The following SYT2 variants were observed in gnomAD, a reference collection of about 807,000 sequenced individuals.
SYT2 encodes the protein synaptotagmin-2.
A neutral mutation model predicts 39.9 loss-of-function variants in SYT2; 15 were observed. That is an observed-to-expected ratio of 0.38 (90% CI 0.25 to 0.58). SYT2 has a LOEUF of 0.58. Ranked by LOEUF, SYT2 falls within the 20% of genes least tolerant of loss-of-function variation. SYT2 has a pLI of 0.70. For missense variants in SYT2, 389 were observed against 530.3 expected (o/e 0.73, Z 2.62); for synonymous variants, 181 against 204.5 (o/e 0.89, Z 0.98).
chr1:202,639,554 G>A, intron 1 of SYT2: 1 of 985,456 alleles, frequency 1.0e-6, no homozygotes, highest in Non-Finnish European at 1.2e-6. Context: ...GGAAGGCGGT[G>A]TTCCCCGCTC....
chr1:202,666,152 CA>C (rs56942389), intron 1 of SYT2, among the ~76,000 whole-genome samples: 1,107 of 102,768 alleles, frequency 0.011, 12 homozygotes, highest in South Asian at 0.039. Flanking sequence ...GACTCCGTCT[CA>C]AAAAAAAAAA....
At chr1:202,675,241 T>C (rs971785581) in intron 1 of SYT2, among the ~76,000 whole-genome samples, 2 of 152,238 alleles carry the variant, frequency 1.3e-5, no homozygotes, top group Non-Finnish European at 2.9e-5. Context: ...ACCATATATT[T>C]AACGTGCAGT....
chr1:202,672,865 C>T (rs977679346), intron 1 of SYT2, among the ~76,000 whole-genome samples: 2 of 147,350 alleles, frequency 1.4e-5, no homozygotes, highest in Non-Finnish European at 3.0e-5. Flanking sequence ...TCCACAGATT[C>T]AAGAAACCCA....
At chr1:202,629,053 G>C (rs1402125053) in intron 1 of SYT2, among the ~76,000 whole-genome samples, 1 of 152,240 alleles carries the variant, frequency 6.6e-6, no homozygotes, top group Non-Finnish European at 1.5e-5. Context: ...GGCTGGGCAC[G>C]GGCCTGTCAG....
intron 1 of SYT2, among the ~76,000 whole-genome samples, chr1:202,707,336 C>A (rs1409977456): frequency 1.1e-4 from 17 of 152,144 alleles, no homozygotes. Flanking sequence ...TATCTCCTAG[C>A]CTCCATTCTT....
chr1:202,657,917 C>A (rs928457917), intron 1 of SYT2, among the ~76,000 whole-genome samples: 4 of 152,082 alleles, frequency 2.6e-5, no homozygotes, highest in Non-Finnish European at 5.9e-5. Flanking sequence ...TCAATGAATT[C>A]ATTACTCAAT....
rs1691258899 is a variant in SYT2, at chr1:202,623,499, G to T, written c.-17-17710C>A. Among the ~76,000 whole-genome samples the T allele has an allele frequency of 6.6e-6, 1 of 152,230 alleles. No individual in the cohort carries two copies. The highest frequency in any genetic ancestry group is 2.4e-5 in the African/African-American group (1 of 41,466). ...TCCCAAACCCACAGGCAGCTGTCCT[G>T]GGGCGGAGGAGAGGGTCTTCCATTG... On this transcript the variant is annotated intron_variant, in intron 1 of 8. Transcript: ENST00000367268. The surrounding 1 kb of genome is among the most constrained non-coding windows in gnomAD (Gnocchi z 4.2).
intron 1 of SYT2, among the ~76,000 whole-genome samples, chr1:202,613,775 C>G (rs543133374): frequency 2.6e-5 from 4 of 152,312 alleles, no homozygotes; most frequent in East Asian, 1.9e-4. Flanking sequence ...CCCTCTCACT[C>G]TCCACTGCAG....
At chr1:202,624,358 G>C (rs200301165) in intron 1 of SYT2, among the ~76,000 whole-genome samples, 9,692 of 151,684 alleles carry the variant, frequency 0.064, 658 homozygotes, top group East Asian at 0.32. Context: ...GGGGGTATGT[G>C]GGTAGTGGGT....
chr1:202,704,544 G>A (rs969846467), intron 1 of SYT2, among the ~76,000 whole-genome samples: 16 of 152,104 alleles, frequency 1.1e-4, no homozygotes, highest in Admixed American at 9.8e-4. Flanking sequence ...GTCCCATAGG[G>A]ATCTGACTTC....
At chr1:202,667,608 G>A (rs895251398) in intron 1 of SYT2, among the ~76,000 whole-genome samples, 1 of 152,002 alleles carries the variant, frequency 6.6e-6, no homozygotes, top group Non-Finnish European at 1.5e-5. Flanking sequence ...TAACCATGAA[G>A]ATTACATCAA....
intron 3 of SYT2, 166 bp downstream of exon 3, chr1:202,604,289 C>T: frequency 1.5e-6 from 1 of 679,492 alleles, no homozygotes; most frequent in Non-Finnish European, 2.6e-6. Context: ...CTCCCAGGGG[C>T]CTCCAGGTAG....
At chr1:202,692,760 C>G (rs1653869479) in intron 1 of SYT2, among the ~76,000 whole-genome samples, 1 of 152,132 alleles carries the variant, frequency 6.6e-6, no homozygotes, top group Non-Finnish European at 1.5e-5. Flanking sequence ...GCTTCTACCT[C>G]CAAAATTGGA....
chr1:202,698,330 T>A (rs576586378), intron 1 of SYT2, among the ~76,000 whole-genome samples: 1 of 152,222 alleles, frequency 6.6e-6, no homozygotes, highest in Admixed American at 6.5e-5. Flanking sequence ...CCCAGCCCTG[T>A]GCCCGCTGAA....
In SYT2 at chr1:202,596,833, G is replaced by A; in HGVS notation, c.1184C>T (p.Pro395Leu). The A allele has an allele frequency of 5.6e-6, 9 of 1,614,122 alleles. No homozygotes were observed. Among genetic ancestry groups the A allele is most frequent in the Non-Finnish European group, 7.6e-6 (9 of 1,180,018 alleles). The change falls in exon 9 of 9, where the codon CCC (proline) becomes CTC (leucine). Residue 395 changes from proline (P) to leucine (L), a missense_variant. Transcript: ENST00000367268. ...LRHWSDMLAN[P>L]RRPIAQWHSL... Reference sequence around the variant, plus strand: ...GTGCCACTGGGCGATGGGCCTCCGGGGGTTGGCCAGCATGTCGGACCAGTG... The same window carrying A: ...GTGCCACTGGGCGATGGGCCTCCGGAGGTTGGCCAGCATGTCGGACCAGTG...
intron 1 of SYT2, among the ~76,000 whole-genome samples, chr1:202,690,249 G>A (rs890748235): frequency 6.6e-6 from 1 of 152,170 alleles, no homozygotes; most frequent in African/African-American, 2.4e-5. Flanking sequence ...TGCCCAGCAA[G>A]TCACAGGCCA....
At chr1:202,617,125 A>G (rs541028872) in intron 1 of SYT2, among the ~76,000 whole-genome samples, 1 of 150,936 alleles carries the variant, frequency 6.6e-6, no homozygotes, top group African/African-American at 2.4e-5. Flanking sequence ...ACCAGCCTAC[A>G]CTCCTTCTTT....
rs192775418 is a variant in SYT2 at position 202,640,220 on chromosome 1, C to A, written c.-17-34431G>T. Among the ~76,000 whole-genome samples, 32 of 152,230 alleles carry A rather than the reference C, an allele frequency of 2.1e-4. No individual in the cohort carries two copies. The East Asian group carries it at 5.2e-3, about 25-fold the overall frequency. On this transcript the variant is annotated intron_variant, in intron 1 of 8. Coordinates refer to ENST00000367268, the MANE Select transcript of SYT2 (RefSeq NM_177402.5). ...GGGCAGTGAACACCCAAAGCTTGAA[C>A]GACTCCAACAAACCTCCCACCCCAC...
At position 202,599,305 on chromosome 1, in the gene SYT2, C is replaced by T. The variant is rs1188311114; in HGVS notation, c.966G>A (p.Lys322=). 2 of 1,609,158 alleles carry T rather than the reference C, an allele frequency of 1.2e-6. No homozygotes were observed. The highest frequency in any genetic ancestry group is 1.3e-5 in the African/African-American group (1 of 74,632). Residue 322 remains lysine, a synonymous_variant, in exon 8 of 9, where the codon AAG becomes AAA. Transcript: ENST00000367268. This position sits in a 1 kb window ranked among gnomAD's most constrained non-coding sequence, Gnocchi z 4.4. The part of the protein sequence containing the change: ...IHLMQNGKRL[K]KKKTTVKKKT... ...TCTTCTTCACGGTTGTCTTCTTCTT[C>T]TTGAGCCTCTTGCCATTCTGCATCA...
Sources: gnomAD v4.1 joint callset for allele counts (sites outside exome capture counted in the v4.1 genomes callset) on GRCh38, gnomAD v4.1.1 for gene constraint, Gnocchi (gnomAD v3.1) non-coding constraint, MANE v1.5 for transcripts, NCBI Gene and HGNC (gene_info 2026-07-23, HGNC 2026-07-21) for gene names.